The following ATP2B2 variants were observed in gnomAD, a reference collection of about 807,000 sequenced individuals.
ATP2B2 encodes the protein ATPase plasma membrane Ca2+ transporting 2, also known as plasma membrane calcium-transporting ATPase 2.
Under a neutral mutation model 120.0 loss-of-function variants are expected in ATP2B2, and 15 were observed. The ratio of observed to expected loss-of-function variants is 0.12; its 90% confidence interval spans 0.08 to 0.19. The LOEUF (loss-of-function observed/expected upper bound fraction) is 0.19, where lower values mean the gene tolerates loss of function less well. Among genes scored for constraint, ATP2B2 ranks in the 10% least tolerant of loss-of-function variants. ATP2B2 has a pLI of 1.00. For synonymous variants in ATP2B2, 694 were observed against 700.3 expected (o/e 0.99, Z 0.14); for missense variants, 1,045 against 1,719.8 (o/e 0.61, Z 6.94).
At chr3:10,386,560 C>G (rs1250385766) in intron 6 of ATP2B2, 48 bp from the exon 7 acceptor site, 2 of 1,604,812 alleles carry the variant, frequency 1.2e-6, no homozygotes. Flanking sequence ...AGCACACAGC[C>G]TCATCTGCCC....
At chr3:10,514,346 C>T (rs953412121) in intron 3 of ATP2B2, among the ~76,000 whole-genome samples, 11 of 152,128 alleles carry the variant, frequency 7.2e-5, no homozygotes, top group African/African-American at 2.4e-4. Flanking sequence ...AGGAACTGGC[C>T]GCCCTTGGGA....
At chr3:10,332,280 C>A in intron 22 of ATP2B2, 1 of 533,594 alleles carries the variant, frequency 1.9e-6, no homozygotes. Context: ...GGTGCCTTAT[C>A]TGTCTAGCAA....
chr3:10,543,577 T>C (rs769095714), intron 2 of ATP2B2, among the ~76,000 whole-genome samples: 1 of 152,206 alleles, frequency 6.6e-6, no homozygotes, highest in Non-Finnish European at 1.5e-5. Context: ...TTGGAAAATA[T>C]AGTTATTTTT....
intron 1 of ATP2B2, among the ~76,000 whole-genome samples, chr3:10,667,606 G>A (rs2070977335): frequency 6.6e-6 from 1 of 152,194 alleles, no homozygotes; most frequent in Admixed American, 6.5e-5. Flanking sequence ...ACCATTTCTG[G>A]TCTTTATAAA....
At chr3:10,336,992 G>A (rs2060133917) in intron 22 of ATP2B2, among the ~76,000 whole-genome samples, 1 of 152,194 alleles carries the variant, frequency 6.6e-6, no homozygotes, top group Non-Finnish European at 1.5e-5. Flanking sequence ...CCCAGGAGGT[G>A]GGGGCAGGCT....
intron 1 of ATP2B2, among the ~76,000 whole-genome samples, chr3:10,488,234 T>TCCATCC (rs1559402222): frequency 0.058 from 6,232 of 106,722 alleles, 204 homozygotes; most frequent in Middle Eastern, 0.11. Context: ...CTCATCCACC[T>TCCATCC]ATCCATCCAT....
chr3:10,398,332 C>T (rs949478341), intron 5 of ATP2B2, among the ~76,000 whole-genome samples: 1 of 152,248 alleles, frequency 6.6e-6, no homozygotes, highest in Non-Finnish European at 1.5e-5. Flanking sequence ...TGTCTCCTGA[C>T]ATCTAGACGC....
chr3:10,407,018 C>T (rs1044785851), intron 3 of ATP2B2, among the ~76,000 whole-genome samples: 1 of 152,184 alleles, frequency 6.6e-6, no homozygotes, highest in Non-Finnish European at 1.5e-5. Context: ...CTTGCCTGCC[C>T]CCAGACCTGA....
intron 2 of ATP2B2, among the ~76,000 whole-genome samples, chr3:10,443,578 C>T (rs9877624): frequency 0.037 from 5,598 of 152,188 alleles, 339 homozygotes; most frequent in African/African-American, 0.13. Context: ...TGCTAAAACC[C>T]GCCTGAAAAT....
intron 2 of ATP2B2, among the ~76,000 whole-genome samples, chr3:10,565,480 T>C (rs1428206758): frequency 6.6e-6 from 1 of 152,204 alleles, no homozygotes; most frequent in Non-Finnish European, 1.5e-5. Context: ...TATCTCTGGC[T>C]CGAGTCCTCA....
At chr3:10,416,887 C>T (rs1460530579) in intron 2 of ATP2B2, among the ~76,000 whole-genome samples, 1 of 150,320 alleles carries the variant, frequency 6.7e-6, no homozygotes, top group Non-Finnish European at 1.5e-5. Flanking sequence ...CAGGCAGAGG[C>T]GCTCCTCACT....
At chr3:10,466,653 A>G (rs1306096034) in intron 1 of ATP2B2, among the ~76,000 whole-genome samples, 2 of 152,136 alleles carry the variant, frequency 1.3e-5, no homozygotes, top group African/African-American at 4.8e-5. Flanking sequence ...TGGCCCCTGA[A>G]CCCCCAAACC....
rs1322972850 is a variant in ATP2B2 at position 10,347,766 on chromosome 3, G to C, written c.2405-1629C>G. Among the ~76,000 whole-genome samples, 1 of 152,214 alleles carries C rather than the reference G, an allele frequency of 6.6e-6. No individual in the cohort carries two copies. The highest frequency in any genetic ancestry group is 1.5e-5 in the Non-Finnish European group (1 of 68,016). ...TGCGGACCGTTGCGTAGCTCAAGCT[G>C]TGCGGAAAGCTGGGAGGAAACCTCT... is the stretch of plus-strand genomic sequence containing the variant. On this transcript the variant is annotated intron_variant, in intron 16 of 22. Transcript: ENST00000360273. The surrounding 1 kb of genome is among the most constrained non-coding windows in gnomAD (Gnocchi z 5.2).
intron 16 of ATP2B2, among the ~76,000 whole-genome samples, chr3:10,348,272 C>T (rs1249467883): frequency 6.6e-6 from 1 of 152,180 alleles, no homozygotes; most frequent in African/African-American, 2.4e-5. Context: ...TTTCTCAGAC[C>T]CGCACCTGGC....
intron 3 of ATP2B2, among the ~76,000 whole-genome samples, chr3:10,518,727 G>T (rs920528573): frequency 6.6e-6 from 1 of 152,232 alleles, no homozygotes; most frequent in Non-Finnish European, 1.5e-5. Context: ...TGCCTCTGAG[G>T]GAGGCCTGGC....
Position 10,342,878 on chromosome 3 carries a change from T to C in ATP2B2, c.2791A>G (p.Thr931Ala). 6.2e-7 allele frequency: 1 copy of C among 1,614,050 alleles called. No individual in the cohort carries two copies. The highest frequency in any genetic ancestry group is 8.5e-7 in the Non-Finnish European group (1 of 1,179,988). The change falls in exon 19 of 23, where the codon ACG becomes GCG. Residue 931 changes from threonine (T) to alanine (A), a missense_variant. Around this residue, in one of 11 missense-constraint regions of ATP2B2, gnomAD observed 98 missense variants for 266.7 expected, o/e 0.37. Transcript: ENST00000360273. This position sits in a 1 kb window ranked among gnomAD's most constrained non-coding sequence, Gnocchi z 4.4. ...GGCTTCCTCAGCAGCAGGGTCTCCG[T>C]GGGCGGCTCAGTGGCCAGTGCCAGC... ...ASLALATEPP[T>A]ETLLLRKPYG... is the part of the protein sequence containing the mutation.
At chr3:10,488,030 C>T (rs542062976) in intron 1 of ATP2B2, among the ~76,000 whole-genome samples, 1 of 152,158 alleles carries the variant, frequency 6.6e-6, no homozygotes, top group Admixed American at 6.5e-5. Flanking sequence ...CCCATCTACT[C>T]ACTCATTCAT....
At chr3:10,398,446 T>C (rs1300116660) in intron 5 of ATP2B2, among the ~76,000 whole-genome samples, 1 of 152,174 alleles carries the variant, frequency 6.6e-6, no homozygotes, top group Non-Finnish European at 1.5e-5. Context: ...CAGTCACCCC[T>C]TTCTCATCTC....
rs2059898666 is a variant in ATP2B2, at chr3:10,328,456, C to T, written c.*358G>A. 1.4e-5 allele frequency: 3 copies of T among 214,156 alleles called. No homozygotes were observed. The highest frequency in any genetic ancestry group is 2.8e-5 in the Non-Finnish European group (3 of 107,264). The allele number at this position is 214,156 out of a possible 1,614,324, so 13.3% of individuals were successfully genotyped here. On this transcript the variant is annotated 3_prime_UTR_variant, in exon 23 of 23. Transcript: ENST00000360273. ...CCCTCCCCAACCCCCAAAAACCAAA[C>T]AAGGGGAGGATTGAAAGTGTACAGT...
Sources: allele counts gnomAD v4.1 joint callset (sites outside exome capture counted in the v4.1 genomes callset), GRCh38; gene constraint gnomAD v4.1.1; regional missense constraint gnomAD v4.1.1; non-coding constraint Gnocchi (gnomAD v3.1); transcripts MANE v1.5; gene names NCBI Gene and HGNC (gene_info 2026-07-23, HGNC 2026-07-21).